Variants in MAD1L1 observed in about 807,000 individuals in gnomAD.
MAD1L1 encodes the protein mitotic arrest deficient 1 like 1, also known as mitotic spindle assembly checkpoint protein MAD1.
Under a neutral mutation model 96.9 loss-of-function variants are expected in MAD1L1, and 95 were observed. That is an observed-to-expected ratio of 0.98 (90% confidence interval 0.83 to 1.16). The LOEUF (loss-of-function observed/expected upper bound fraction) is 1.16, where lower values mean the gene tolerates loss of function less well. MAD1L1 is among the 50% of genes most tolerant of loss of function. The probability of loss-of-function intolerance (pLI) is 0.00; values close to 1 mark genes in which losing one functional copy is unlikely to be tolerated. For synonymous variants in MAD1L1, 473 were observed against 396.6 expected (o/e 1.19, Z -2.29); for missense variants, 1,007 against 954.4 (o/e 1.06, Z -0.73).
intron 12 of MAD1L1, among the ~76,000 whole-genome samples, chr7:2,059,188 G>T (rs1169321948): frequency 6.2e-5 from 8 of 129,056 alleles, no homozygotes; most frequent in African/African-American, 1.5e-4. Flanking sequence ...TGGAGAGGGA[G>T]TGTGGCCAGA....
At chr7:1,876,202 C>T (rs180746893) in intron 18 of MAD1L1, among the ~76,000 whole-genome samples, 106 of 152,276 alleles carry the variant, frequency 7.0e-4, no homozygotes, top group African/African-American at 2.4e-3. Context: ...AGGATGGTAG[C>T]GGCATGGCAG....
intron 15 of MAD1L1, among the ~76,000 whole-genome samples, chr7:1,963,768 C>T (rs984955237): frequency 1.3e-5 from 2 of 152,222 alleles, no homozygotes; most frequent in African/African-American, 4.8e-5. Context: ...CTCACACCAA[C>T]ATCCTGAGCA....
intron 5 of MAD1L1, chr7:2,220,771 T>C (rs1793558976): frequency 8.6e-7 from 1 of 1,158,634 alleles, no homozygotes. Context: ...ACGGTTTACT[T>C]CACCACAACA....
At chr7:2,015,053 C>T (rs962051576) in intron 12 of MAD1L1, among the ~76,000 whole-genome samples, 5 of 152,312 alleles carry the variant, frequency 3.3e-5, no homozygotes, top group South Asian at 4.1e-4. Flanking sequence ...ATTGGGTCTG[C>T]GTGACTCCTC....
intron 12 of MAD1L1, among the ~76,000 whole-genome samples, chr7:2,042,107 GCACA>G (rs61559940): frequency 2.7e-5 from 4 of 150,762 alleles, no homozygotes; most frequent in Admixed American, 6.6e-5. Context: ...ACGCACATGT[GCACA>G]CACACACGCA....
intron 11 of MAD1L1, among the ~76,000 whole-genome samples, chr7:2,141,535 G>A (rs985247642): frequency 1.1e-4 from 16 of 152,192 alleles, no homozygotes; most frequent in African/African-American, 2.9e-4. Flanking sequence ...GCCCTGATCA[G>A]GAAAGGACTG....
At chr7:2,032,578 G>C (rs899828106) in intron 12 of MAD1L1, among the ~76,000 whole-genome samples, 1 of 152,216 alleles carries the variant, frequency 6.6e-6, no homozygotes, top group Non-Finnish European at 1.5e-5. Context: ...CCTTGCCTTC[G>C]TCTCCTTCAG....
chr7:2,223,673 G>C (rs1427455059), intron 4 of MAD1L1: 2 of 152,276 alleles, frequency 1.3e-5, no homozygotes, highest in African/African-American at 4.8e-5. Context: ...AGCTGCAAGG[G>C]CTGCCTCACA....
chr7:2,094,507 C>T (rs899898136), intron 11 of MAD1L1, among the ~76,000 whole-genome samples: 1 of 152,210 alleles, frequency 6.6e-6, no homozygotes, highest in Non-Finnish European at 1.5e-5. Flanking sequence ...AGGGAACAGA[C>T]AGTCATGATG....
intron 11 of MAD1L1, among the ~76,000 whole-genome samples, chr7:2,125,924 G>A (rs552206102): frequency 6.6e-6 from 1 of 152,404 alleles, no homozygotes; most frequent in East Asian, 1.9e-4. Flanking sequence ...TGAGGAAGCA[G>A]CCAGTTGGCC....
At chr7:2,194,981 G>A (rs1199528456) in intron 10 of MAD1L1, among the ~76,000 whole-genome samples, 1 of 151,992 alleles carries the variant, frequency 6.6e-6, no homozygotes, top group Non-Finnish European at 1.5e-5. Flanking sequence ...CCAGCTACTC[G>A]GGAGGCTGAG....
intron 9 of MAD1L1, among the ~76,000 whole-genome samples, chr7:2,213,628 T>C (rs1404034759): frequency 6.6e-6 from 1 of 152,144 alleles, no homozygotes; most frequent in African/African-American, 2.4e-5. Flanking sequence ...CTTGAGCCGT[T>C]AGGACTCATC....
Position 2,103,562 on chromosome 7 carries a change from C to T in MAD1L1, c.1074-34224G>A, listed in dbSNP as rs544285628. Among the ~76,000 whole-genome samples, 165 of 152,294 alleles carry T rather than the reference C, an allele frequency of 1.1e-3. No homozygotes were observed. Among genetic ancestry groups the T allele is most frequent in the African/African-American group, 3.9e-3 (163 of 41,576 alleles). On this transcript the variant is annotated intron_variant, in intron 11 of 18. Transcript: ENST00000265854. This position sits in a 1 kb window ranked among gnomAD's most constrained non-coding sequence, Gnocchi z 4.3. The stretch of plus-strand genomic sequence containing the variant: ...CGGGGCAACCGCAGATGGGCCAGCA[C>T]TGGGGCAAAGCCCACCACCAGGCAG...
At chr7:2,137,991 T>C (rs543423403) in intron 11 of MAD1L1, among the ~76,000 whole-genome samples, 1 of 152,324 alleles carries the variant, frequency 6.6e-6, no homozygotes, top group South Asian at 2.1e-4. Flanking sequence ...CAGGCCATGA[T>C]GGCAGCTGAA....
At chr7:2,217,565 G>T (rs1859991) in intron 7 of MAD1L1, among the ~76,000 whole-genome samples, 1 of 152,162 alleles carries the variant, frequency 6.6e-6, no homozygotes, top group East Asian at 1.9e-4. Context: ...TCCCTGGCAC[G>T]TCCTCCGCAG....
chr7:2,156,216 G>GGC (rs1238936928), intron 10 of MAD1L1, among the ~76,000 whole-genome samples: 2,483 of 150,328 alleles, frequency 0.017, 58 homozygotes, highest in South Asian at 0.043. Flanking sequence ...ACGGTTTCAC[G>GGC]GCGCGTGTGG....
intron 13 of MAD1L1, among the ~76,000 whole-genome samples, chr7:2,003,525 G>C (rs969397632): frequency 1.3e-5 from 2 of 150,944 alleles, no homozygotes; most frequent in Admixed American, 6.6e-5. Context: ...GTGCCTGCTG[G>C]TTCTGGACGC....
intron 12 of MAD1L1, among the ~76,000 whole-genome samples, chr7:2,040,634 C>T (rs1230664790): frequency 6.6e-6 from 1 of 152,214 alleles, no homozygotes; most frequent in African/African-American, 2.4e-5. Context: ...TAGTCCTTTG[C>T]TGGGGAGCGT....
chr7:2,161,311 C>T (rs927939151), intron 10 of MAD1L1, among the ~76,000 whole-genome samples: 3 of 152,010 alleles, frequency 2.0e-5, no homozygotes, highest in African/African-American at 7.2e-5. Context: ...TTTCGCTGTG[C>T]TGGCCAGGCT....
Sources: allele counts gnomAD v4.1 joint callset (sites outside exome capture counted in the v4.1 genomes callset), GRCh38; gene constraint gnomAD v4.1.1; non-coding constraint Gnocchi (gnomAD v3.1); transcripts MANE v1.5; gene names NCBI Gene and HGNC (gene_info 2026-07-23, HGNC 2026-07-21).